CDH18: variants seen among roughly 807,000 people sequenced by gnomAD.
The protein encoded by CDH18 is cadherin 18.
A neutral mutation model predicts 67.9 loss-of-function variants in CDH18; 31 were observed. The observed-to-expected ratio is 0.46, with a 90% CI of 0.34 to 0.62. CDH18 has a LOEUF of 0.62. CDH18 is among the 20% of genes least tolerant of loss of function. CDH18 has a pLI of 0.01. For synonymous variants in CDH18, 362 were observed against 347.2 expected (o/e 1.04, Z -0.48); for missense variants, 890 against 975.5 (o/e 0.91, Z 1.17).
intron 1 of CDH18, among the ~76,000 whole-genome samples, chr5:20,417,308 G>T (rs543405292): frequency 1.4e-3 from 210 of 152,074 alleles, no homozygotes; most frequent in African/African-American, 4.9e-3. Flanking sequence ...TGGTAATATT[G>T]TTTCCTAGAT....
At chr5:19,540,099 G>C (rs188478825) in intron 9 of CDH18, among the ~76,000 whole-genome samples, 1 of 142,480 alleles carries the variant, frequency 7.0e-6, no homozygotes, top group African/African-American at 3.1e-5. Flanking sequence ...GACACAATGG[G>C]GGTCTAGGAA....
intron 5 of CDH18, 71 bp from the exon 6 acceptor site, chr5:19,612,672 A>G (rs144170999): frequency 9.0e-6 from 10 of 1,116,676 alleles, no homozygotes; most frequent in Admixed American, 6.4e-5. Flanking sequence ...ATACACATAC[A>G]TATTTTAAGA....
At chr5:19,949,550 T>A (rs924478459) in intron 2 of CDH18, among the ~76,000 whole-genome samples, 6 of 152,132 alleles carry the variant, frequency 3.9e-5, no homozygotes, top group Non-Finnish European at 2.9e-5. Flanking sequence ...CTTAGTATTA[T>A]CAACTTTTGA....
At chr5:19,822,535 TG>T (rs1779979772) in intron 3 of CDH18, among the ~76,000 whole-genome samples, 1 of 152,146 alleles carries the variant, frequency 6.6e-6, no homozygotes, top group African/African-American at 2.4e-5. Context: ...ATTTTAAAGC[TG>T]GGCATCCGGG....
intron 9 of CDH18, among the ~76,000 whole-genome samples, chr5:19,523,431 C>G (rs1029595177): frequency 2.6e-5 from 4 of 151,716 alleles, no homozygotes; most frequent in African/African-American, 7.3e-5. Context: ...TTGTGGCACA[C>G]GTAACTGACA....
intron 1 of CDH18, among the ~76,000 whole-genome samples, chr5:20,532,985 C>T (rs2126560445): frequency 6.6e-6 from 1 of 152,026 alleles, no homozygotes; most frequent in African/African-American, 2.4e-5. Context: ...TCCCCCAGGG[C>T]TTCAGACTGT....
At chr5:20,222,677 T>A (rs1210290077) in intron 2 of CDH18, among the ~76,000 whole-genome samples, 1 of 148,780 alleles carries the variant, frequency 6.7e-6, no homozygotes, top group Non-Finnish European at 1.5e-5. Flanking sequence ...TACAACAGCC[T>A]TTTTTTTTTC....
intron 1 of CDH18, among the ~76,000 whole-genome samples, chr5:20,333,855 A>C (rs990484637): frequency 4.6e-5 from 7 of 150,876 alleles, no homozygotes; most frequent in Non-Finnish European, 8.8e-5. Context: ...GATGTAAATA[A>C]TTCATAAGAA....
rs1581034393 is a variant in CDH18, at chr5:20,456,826, T to TGTA, written c.-580+118633_-580+118635dup. ...GAAGAATGTAGCTGCCTAGATTTTT[T>TGTA]GTAGTAGAGAAGACAGTGAAGGAAA... On this transcript the variant is annotated intron_variant, in intron 1 of 14. Coordinates refer to the CDH18 transcript ENST00000507958. Among the ~76,000 whole-genome samples the TGTA allele has an allele frequency of 2.0e-5, 3 of 152,138 alleles. No homozygotes were observed. In the East Asian group the frequency reaches 5.8e-4, roughly 29 times the overall value.
At chr5:20,108,065 T>C (rs1346512554) in intron 2 of CDH18, among the ~76,000 whole-genome samples, 1 of 151,750 alleles carries the variant, frequency 6.6e-6, no homozygotes, top group Non-Finnish European at 1.5e-5. Flanking sequence ...TCTTTGTTTT[T>C]GTTTGTTTCT....
chr5:20,043,044 T>G (rs1740587284), intron 2 of CDH18, among the ~76,000 whole-genome samples: 4 of 152,156 alleles, frequency 2.6e-5, no homozygotes, highest in Admixed American at 2.6e-4. Flanking sequence ...ACCTCAGCAC[T>G]GGTGACATTT....
intron 8 of CDH18, among the ~76,000 whole-genome samples, chr5:19,545,098 T>A (rs1461018707): frequency 6.6e-6 from 1 of 152,204 alleles, no homozygotes; most frequent in Non-Finnish European, 1.5e-5. Flanking sequence ...AGACTATTTC[T>A]TCAACTATTT....
At chr5:20,278,525 C>T (rs955048554) in intron 1 of CDH18, among the ~76,000 whole-genome samples, 1 of 151,754 alleles carries the variant, frequency 6.6e-6, no homozygotes, top group Non-Finnish European at 1.5e-5. Flanking sequence ...GTTCTTCAGT[C>T]TGAAAGAAAA....
intron 2 of CDH18, among the ~76,000 whole-genome samples, chr5:20,167,599 A>T (rs1736392544): frequency 6.6e-6 from 1 of 152,196 alleles, no homozygotes; most frequent in Non-Finnish European, 1.5e-5. Context: ...TACGGTGGTA[A>T]ATAGATGGTT....
At chr5:20,034,786 C>T (rs1352157103) in intron 2 of CDH18, among the ~76,000 whole-genome samples, 1 of 151,946 alleles carries the variant, frequency 6.6e-6, no homozygotes, top group Non-Finnish European at 1.5e-5. Flanking sequence ...TACAATAGAT[C>T]TCTCTCTTTC....
At chr5:20,484,520 AG>A (rs955945907) in intron 1 of CDH18, among the ~76,000 whole-genome samples, 1 of 152,116 alleles carries the variant, frequency 6.6e-6, no homozygotes, top group Non-Finnish European at 1.5e-5. Flanking sequence ...CAAGATTTGA[AG>A]GCAGCCTATG....
rs12518147 is a variant in CDH18, at chr5:20,223,886, T to G, written c.-518+31558A>C. On this transcript the variant is annotated intron_variant, in intron 2 of 14. Transcript: ENST00000507958. ...AAGCCTCGCAAGCCATATGGAACTG[T>G]GAGTTAATTAAACATCTTTCCTTCA... Among the ~76,000 whole-genome samples the G allele has an allele frequency of 0.017, 2,634 of 152,252 alleles. 225 individuals are homozygous for G. The East Asian group carries it at 0.28, about 16-fold the overall frequency.
Position 19,473,499 on chromosome 5 carries a change from T to C in CDH18, c.2100A>G (p.Arg700=). 6.2e-7 allele frequency: 1 copy of C among 1,613,838 alleles called. No homozygotes were observed. The highest frequency in any genetic ancestry group is 8.5e-7 in the Non-Finnish European group (1 of 1,179,846). ...DIRPEVKLTP[R]HQTSSTLESI... ...TTTCCAGGGTGGATGATGTCTGGTG[T>C]CTGGGAGTGAGCTTCACTTCAGGTC... Residue 700 remains arginine (R), a synonymous_variant, in exon 13 of 13, where the codon AGA becomes AGG. Coordinates refer to ENST00000382275, the MANE Select transcript of CDH18 (RefSeq NM_004934.5).
At chr5:20,043,472 C>A (rs1740627389) in intron 2 of CDH18, among the ~76,000 whole-genome samples, 1 of 152,114 alleles carries the variant, frequency 6.6e-6, no homozygotes, top group South Asian at 2.1e-4. Flanking sequence ...AACTTGTGGA[C>A]CAGAAGGGGG....
Sources: gnomAD v4.1 joint callset for allele counts (sites outside exome capture counted in the v4.1 genomes callset) on GRCh38, gnomAD v4.1.1 for gene constraint, MANE v1.5 for transcripts, NCBI Gene and HGNC (gene_info 2026-07-23, HGNC 2026-07-21) for gene names.